The following SLC11A2 variants were observed in gnomAD, a reference collection of about 807,000 sequenced individuals.
SLC11A2 encodes solute carrier family 11 member 2, also known as natural resistance-associated macrophage protein 2.
A neutral mutation model predicts 68.0 loss-of-function variants in SLC11A2; 38 were observed. The ratio of observed to expected loss-of-function variants is 0.56; its 90% CI spans 0.43 to 0.73. The LOEUF (loss-of-function observed/expected upper bound fraction) is 0.73, where lower values mean the gene tolerates loss of function less well. Among genes scored for constraint, SLC11A2 ranks in the 30% least tolerant of loss-of-function variants. SLC11A2 has a pLI of 0.00. For synonymous variants in SLC11A2, 242 were observed against 250.6 expected, an observed-to-expected ratio of 0.97 and a Z score of 0.32; for missense variants, 517 against 690.5, an observed-to-expected ratio of 0.75 and a Z score of 2.82.
chr12:50,966,696 G>A, the SLC11A2 span, among the ~76,000 whole-genome samples: 1 of 152,192 alleles, frequency 6.6e-6, no homozygotes. Flanking sequence ...TGGAAGGACT[G>A]CTTCTATTGG....
intron 1 of SLC11A2, chr12:51,014,192 ATCT>A (rs1246693348): frequency 1.4e-4 from 22 of 152,470 alleles, no homozygotes; most frequent in Admixed American, 1.4e-3. Context: ...GGCCATGCTA[ATCT>A]TCTCTTGATT....
chr12:51,005,281 A>G (rs1471252854), intron 4 of SLC11A2, 30 bp downstream of exon 4: 2 of 1,612,276 alleles, frequency 1.2e-6, no homozygotes, highest in Non-Finnish European at 1.7e-6. Flanking sequence ...TTATGTGCTT[A>G]AAAGGACAGG....
At chr12:50,976,985 G>T (rs1312410544), downstream of SLC11A2, among the ~76,000 whole-genome samples, 1 of 152,086 alleles carries the variant, frequency 6.6e-6, no homozygotes, top group Non-Finnish European at 1.5e-5. Context: ...ACTGCTCAAT[G>T]AAATAAAAGA....
At chr12:50,953,422 A>C in the SLC11A2 span, among the ~76,000 whole-genome samples, 1 of 152,204 alleles carries the variant, frequency 6.6e-6, no homozygotes, top group African/African-American at 2.4e-5. Context: ...TTCTTCATTC[A>C]TCCTATGTAG....
chr12:51,025,759 A>C (rs1944338334), intron 1 of SLC11A2: 11 of 985,674 alleles, frequency 1.1e-5, no homozygotes, highest in African/African-American at 1.7e-5. Context: ...AACAGCCTTA[A>C]AACCAATCTA....
chr12:51,009,247 TCTGA>T (rs1313968832), intron 2 of SLC11A2: 25 of 1,369,670 alleles, frequency 1.8e-5, no homozygotes, highest in Non-Finnish European at 2.2e-5. Flanking sequence ...CCCTTTGTAC[TCTGA>T]CTAAGGCTTG....
Position 51,005,450 on chromosome 12 carries a change from GAA to G in SLC11A2, c.184-16_184-15del. On this transcript the variant is annotated splice_polypyrimidine_tract_variant and intron_variant, in intron 3 of 15. Transcript: ENST00000262052. ...AAAACAAGAGTACTGTACAAGAGAG[GAA>G]AAGAGATTAAACTGAACATCACCAT... The G allele has an allele frequency of 1.2e-6, 2 of 1,613,124 alleles. No individual in the cohort carries two copies. Among genetic ancestry groups the G allele is most frequent in the Admixed American group, 1.7e-5 (1 of 59,972 alleles).
the SLC11A2 span, among the ~76,000 whole-genome samples, chr12:50,973,983 A>T: frequency 6.6e-6 from 1 of 152,326 alleles, no homozygotes; most frequent in South Asian, 2.1e-4. Context: ...GAAATATGGG[A>T]CTATGTGAAA....
At chr12:50,997,305 A>G (rs775938982) in intron 8 of SLC11A2, among the ~76,000 whole-genome samples, 1 of 152,138 alleles carries the variant, frequency 6.6e-6, no homozygotes, top group East Asian at 1.9e-4. Flanking sequence ...CAAGCAACAT[A>G]AGGGGCTTAC....
At chr12:51,003,803 GGTC>G (rs1320222123) in intron 5 of SLC11A2, among the ~76,000 whole-genome samples, 2 of 151,420 alleles carry the variant, frequency 1.3e-5, no homozygotes, top group African/African-American at 4.9e-5. Context: ...AGCTGGGTGT[GGTC>G]GTGCTCGCCT....
chr12:51,001,236 G>A (rs996289671), intron 5 of SLC11A2, among the ~76,000 whole-genome samples: 2 of 151,386 alleles, frequency 1.3e-5, no homozygotes, highest in African/African-American at 4.9e-5. Flanking sequence ...ACTTTGGGAT[G>A]CCAACGTAGA....
the SLC11A2 span, among the ~76,000 whole-genome samples, chr12:50,964,555 G>A: frequency 1.3e-5 from 2 of 152,208 alleles, no homozygotes; most frequent in African/African-American, 4.8e-5. Flanking sequence ...AGATGATCAA[G>A]GTCCCTGCAG....
rs760810494 is a variant in SLC11A2, at chr12:50,995,713, A to G, written c.906T>C (p.Ile302=). The change falls in exon 10 of 16, where the codon ATT becomes ATC. Residue 302 remains isoleucine, a synonymous_variant. Coordinates refer to ENST00000262052, the MANE Select transcript of SLC11A2 (RefSeq NM_000617.3). ...TGATGATGAAGGAAACAAAGAGTGC[A>G]ATGCAGGATTCAATGAAAAAGTACT... The part of the protein sequence containing the change: ...ANKYFFIESC[I]ALFVSFIINV... The G allele has an allele frequency of 6.2e-7, 1 of 1,613,980 alleles. No homozygotes were observed. The highest frequency in any genetic ancestry group is 1.3e-5 in the African/African-American group (1 of 74,938).
In SLC11A2 at chr12:50,988,185, A is replaced by G. The variant is rs1940787452; in HGVS notation, c.*140T>C. On this transcript the variant is annotated 3_prime_UTR_variant, in exon 16 of 16. Transcript: ENST00000262052. Reference sequence around the variant, plus strand: ...TAATTCCATCTTTCAAATACACATGAAACAAAGTCTTTTCCAACCAACGGT... The same window carrying G: ...TAATTCCATCTTTCAAATACACATGGAACAAAGTCTTTTCCAACCAACGGT... 1 of 1,545,852 alleles carries G rather than the reference A, an allele frequency of 6.5e-7. No homozygotes were observed. Among genetic ancestry groups the G allele is most frequent in the Non-Finnish European group, 8.7e-7 (1 of 1,146,564 alleles).
intron 5 of SLC11A2, chr12:51,000,620 C>A: frequency 1.6e-6 from 1 of 609,034 alleles, no homozygotes; most frequent in South Asian, 2.0e-5. Flanking sequence ...AAGTGTGCTA[C>A]CACGTGGCAG....
intron 1 of SLC11A2, chr12:51,014,228 G>A (rs1592423569): frequency 6.6e-6 from 1 of 152,306 alleles, no homozygotes; most frequent in Non-Finnish European, 1.5e-5. Context: ...TATACGTGCT[G>A]CCGAAGCAAG....
Position 51,010,040 on chromosome 12 carries a change from C to T in SLC11A2, c.34+655G>A, listed in dbSNP as rs528687230. Reference sequence around the variant, plus strand: ...CTACTAAAAATACAAAAACATTAGCCGGGCGTGGCGGCAGGTGCCTGTAAT... The same window carrying T: ...CTACTAAAAATACAAAAACATTAGCTGGGCGTGGCGGCAGGTGCCTGTAAT... On this transcript the variant is annotated intron_variant, in intron 2 of 15. Transcript: ENST00000262052. Among the ~76,000 whole-genome samples, 14 of 151,912 alleles carry T rather than the reference C, an allele frequency of 9.2e-5. No individual in the cohort carries two copies. In the East Asian group the frequency reaches 2.1e-3, roughly 23 times the overall value.
downstream of SLC11A2, among the ~76,000 whole-genome samples, chr12:50,982,575 C>A (rs192451894): frequency 6.7e-6 from 1 of 150,358 alleles, no homozygotes; most frequent in African/African-American, 2.5e-5. Context: ...TGCAGTGAGC[C>A]GAGATTGCAC....
At position 50,988,182 on chromosome 12, in the gene SLC11A2, A is replaced by G; in HGVS notation, c.*143T>C. ...AAATAATTCCATCTTTCAAATACAC[A>G]TGAAACAAAGTCTTTTCCAACCAAC... On this transcript the variant is annotated 3_prime_UTR_variant, in exon 16 of 16. Coordinates refer to ENST00000262052, the MANE Select transcript of SLC11A2 (RefSeq NM_000617.3). 1.9e-6 allele frequency: 3 copies of G among 1,543,366 alleles called. No individual in the cohort carries two copies. The highest frequency in any genetic ancestry group is 1.2e-5 in the South Asian group (1 of 83,932).
Sources: allele counts gnomAD v4.1 joint callset (sites outside exome capture counted in the v4.1 genomes callset), GRCh38; gene constraint gnomAD v4.1.1; transcripts MANE v1.5; gene names NCBI Gene and HGNC (gene_info 2026-07-23, HGNC 2026-07-21).